The following SRPK2 variants were observed in gnomAD, a reference collection of about 807,000 sequenced individuals.
The protein encoded by SRPK2 is SFRS protein kinase 2.
In SRPK2, 21 loss-of-function variants were observed where a neutral mutation model predicts 90.8. The observed-to-expected ratio is 0.23, with a 90% CI of 0.16 to 0.33. SRPK2 has a LOEUF of 0.33. SRPK2 is among the 10% of genes least tolerant of loss of function. The pLI, the probability that SRPK2 is intolerant of heterozygous loss-of-function variation, is 1.00. For missense variants in SRPK2, 620 were observed against 869.0 expected (o/e 0.71, Z 3.60); for synonymous variants, 288 against 311.1 (o/e 0.93, Z 0.78).
intron 2 of SRPK2, among the ~76,000 whole-genome samples, chr7:105,237,683 A>G (rs1215363027): frequency 6.6e-6 from 1 of 152,226 alleles, no homozygotes; most frequent in Non-Finnish European, 1.5e-5. Flanking sequence ...TTGACAGATA[A>G]GCAGAGTTAT....
At chr7:105,271,618 T>C (rs1316879983) in intron 2 of SRPK2, among the ~76,000 whole-genome samples, 2 of 152,166 alleles carry the variant, frequency 1.3e-5, no homozygotes, top group Admixed American at 6.5e-5. Context: ...CCTGCCATAA[T>C]CGGGGGTACC....
At chr7:105,258,919 C>A (rs1037752428) in intron 2 of SRPK2, among the ~76,000 whole-genome samples, 1 of 152,210 alleles carries the variant, frequency 6.6e-6, no homozygotes. Flanking sequence ...GACAAACCCA[C>A]AGCCAATATC....
At chr7:105,280,429 A>G (rs565099665) in intron 2 of SRPK2, among the ~76,000 whole-genome samples, 2 of 152,112 alleles carry the variant, frequency 1.3e-5, no homozygotes, top group Admixed American at 1.3e-4. Flanking sequence ...TTCAAAAAAA[A>G]AAAAAAGTCA....
intron 7 of SRPK2, among the ~76,000 whole-genome samples, chr7:105,158,523 G>C (rs1183816032): frequency 3.3e-5 from 5 of 152,122 alleles, no homozygotes; most frequent in Non-Finnish European, 1.5e-5. Flanking sequence ...AAAGTGCTGG[G>C]ATTACAAGCG....
chr7:105,224,009 A>T (rs1301551117), intron 2 of SRPK2, among the ~76,000 whole-genome samples: 1 of 152,188 alleles, frequency 6.6e-6, no homozygotes, highest in East Asian at 1.9e-4. Context: ...GGAATTTTTG[A>T]TTAAATTCTG....
At chr7:105,374,914 G>A (rs1446046413) in intron 2 of SRPK2, among the ~76,000 whole-genome samples, 1 of 151,942 alleles carries the variant, frequency 6.6e-6, no homozygotes, top group African/African-American at 2.4e-5. Flanking sequence ...GCCAGCCCAT[G>A]AAAAATATTT....
chr7:105,167,094 A>C (rs1790167035), intron 6 of SRPK2, among the ~76,000 whole-genome samples: 1 of 136,202 alleles, frequency 7.3e-6, no homozygotes, highest in African/African-American at 2.5e-5. Context: ...CTACCACCAC[A>C]AAAAAAACTT....
At chr7:105,294,617 C>A (rs1299832602) in intron 2 of SRPK2, among the ~76,000 whole-genome samples, 1 of 152,122 alleles carries the variant, frequency 6.6e-6, no homozygotes, top group Non-Finnish European at 1.5e-5. Context: ...ACCTCCGCCT[C>A]CCAGGTTCGA....
At chr7:105,237,469 T>C (rs2299319) in intron 2 of SRPK2, among the ~76,000 whole-genome samples, 104,581 of 152,106 alleles carry the variant, frequency 0.69, 36,142 homozygotes, top group South Asian at 0.76. Flanking sequence ...ATTTTCCTCA[T>C]TAAAACAACT....
At chr7:105,302,912 G>GA (rs1173629251) in intron 2 of SRPK2, among the ~76,000 whole-genome samples, 146 of 143,918 alleles carry the variant, frequency 1.0e-3, no homozygotes, top group African/African-American at 2.2e-3. Flanking sequence ...CTTTTCTGAA[G>GA]AAAAAAAAAA....
At chr7:105,217,156 G>A (rs909930884) in intron 2 of SRPK2, among the ~76,000 whole-genome samples, 1 of 152,118 alleles carries the variant, frequency 6.6e-6, no homozygotes, top group Non-Finnish European at 1.5e-5. Context: ...TAACTGCAAA[G>A]GTCAACATCG....
intron 2 of SRPK2, among the ~76,000 whole-genome samples, chr7:105,211,084 T>C (rs761377300): frequency 6.6e-6 from 1 of 152,194 alleles, no homozygotes; most frequent in Non-Finnish European, 1.5e-5. Context: ...CTGATTTCTG[T>C]CCTACAAAAC....
At chr7:105,229,672 A>C (rs1799186868) in intron 2 of SRPK2, among the ~76,000 whole-genome samples, 3 of 152,228 alleles carry the variant, frequency 2.0e-5, no homozygotes. Context: ...AGTAGGAATA[A>C]GTCTTGGTTA....
intron 6 of SRPK2, among the ~76,000 whole-genome samples, chr7:105,162,142 A>G (rs1807760062): frequency 6.6e-6 from 1 of 152,142 alleles, no homozygotes. Context: ...CCTGGGTTCA[A>G]GCGATTCTCC....
intron 2 of SRPK2, among the ~76,000 whole-genome samples, chr7:105,259,014 AT>A (rs1294843076): frequency 6.6e-6 from 1 of 152,208 alleles, no homozygotes; most frequent in Non-Finnish European, 1.5e-5. Flanking sequence ...CCTATTCAAC[AT>A]AGTGTTGGAA....
At chr7:105,270,777 C>T (rs180821158) in intron 2 of SRPK2, among the ~76,000 whole-genome samples, 3 of 152,268 alleles carry the variant, frequency 2.0e-5, no homozygotes, top group African/African-American at 7.2e-5. Flanking sequence ...CCTCTATCTC[C>T]TCTCCTGTAA....
intron 2 of SRPK2, among the ~76,000 whole-genome samples, chr7:105,258,528 G>GTTT (rs1401217887): frequency 6.6e-6 from 1 of 151,734 alleles, no homozygotes; most frequent in Non-Finnish European, 1.5e-5. Flanking sequence ...AAATGACTAT[G>GTTT]TTTTATCAGT....
At chr7:105,233,851 CA>C (rs906608099) in intron 2 of SRPK2, among the ~76,000 whole-genome samples, 3 of 150,338 alleles carry the variant, frequency 2.0e-5, no homozygotes, top group African/African-American at 4.9e-5. Context: ...GACTCCGTCT[CA>C]AAAAAAATGA....
intron 2 of SRPK2, among the ~76,000 whole-genome samples, chr7:105,386,693 A>G (rs1371371148): frequency 2.6e-5 from 4 of 152,202 alleles, no homozygotes; most frequent in Non-Finnish European, 5.9e-5. Context: ...CTCCAGCCTG[A>G]GCGACAAGAG....
Sources: allele counts gnomAD v4.1 joint callset (sites outside exome capture counted in the v4.1 genomes callset), GRCh38; gene constraint gnomAD v4.1.1; transcripts MANE v1.5; gene names NCBI Gene and HGNC (gene_info 2026-07-23, HGNC 2026-07-21).